Variants in ABCC9 observed in about 807,000 individuals in gnomAD.
ABCC9 encodes ATP binding cassette subfamily C member 9.
A neutral mutation model predicts 188.3 loss-of-function variants in ABCC9; 95 were observed. That is an observed-to-expected ratio of 0.50 (90% confidence interval 0.43 to 0.60). ABCC9 has a LOEUF of 0.60. Among genes scored for constraint, ABCC9 ranks in the 20% least tolerant of loss-of-function variants. The probability of loss-of-function intolerance (pLI) is 0.00; values close to 1 mark genes in which losing one functional copy is unlikely to be tolerated. For missense variants in ABCC9, 1,102 were observed against 1,876.3 expected (o/e 0.59, Z 7.62); for synonymous variants, 659 against 652.7 (o/e 1.01, Z -0.15).
intron 14 of ABCC9, among the ~76,000 whole-genome samples, chr12:21,888,468 G>A (rs1426577472): frequency 6.6e-6 from 1 of 152,026 alleles, no homozygotes; most frequent in African/African-American, 2.4e-5. Flanking sequence ...TCTGAACCTG[G>A]CAAGGAGAGG....
chr12:21,867,973 T>C (rs1032758295), intron 18 of ABCC9, among the ~76,000 whole-genome samples: 3 of 152,208 alleles, frequency 2.0e-5, no homozygotes, highest in Non-Finnish European at 4.4e-5. Context: ...GTAGAAATTA[T>C]TGTTTATCAT....
intron 29 of ABCC9, among the ~76,000 whole-genome samples, chr12:21,839,965 C>T (rs374768015): frequency 6.6e-6 from 1 of 152,102 alleles, no homozygotes; most frequent in African/African-American, 2.4e-5. Context: ...AACCAAATGG[C>T]TATTTGTAAA....
At chr12:21,937,011 A>G (rs1949515862) in intron 2 of ABCC9, among the ~76,000 whole-genome samples, 1 of 152,168 alleles carries the variant, frequency 6.6e-6, no homozygotes, top group African/African-American at 2.4e-5. Flanking sequence ...AAAAATGGTC[A>G]TATATTAAGA....
Position 21,808,794 on chromosome 12 carries a change from A to G in ABCC9, c.4315+1058T>C, listed in dbSNP as rs537706263. On this transcript the variant is annotated intron_variant, in intron 37 of 39. Coordinates refer to ENST00000261200, the MANE Select transcript of ABCC9 (RefSeq NM_020297.4). ...AACTTGTCTCAAAAAAAAAAAAAAAAAAAAAGAAAAAATCATTATGGAAAG... is the reference window on the plus strand; with the variant it reads ...AACTTGTCTCAAAAAAAAAAAAAAAGAAAAAGAAAAAATCATTATGGAAAG... 2.2e-3 allele frequency among the ~76,000 whole-genome samples: 339 copies of G among 151,640 alleles called. 1 individual carries two copies. Among genetic ancestry groups the G allele is most frequent in the African/African-American group, 7.4e-3 (307 of 41,312 alleles).
chr12:21,825,259 G>GA (rs1034629000), intron 31 of ABCC9, among the ~76,000 whole-genome samples: 115 of 152,300 alleles, frequency 7.6e-4, no homozygotes, highest in African/African-American at 2.6e-3. Context: ...TCTAGAACCA[G>GA]AAATACCATT....
At chr12:21,801,790 T>C (rs1411560084) in intron 39 of ABCC9, among the ~76,000 whole-genome samples, 4 of 152,164 alleles carry the variant, frequency 2.6e-5, no homozygotes, top group Admixed American at 2.6e-4. Flanking sequence ...AGCTACCACT[T>C]TCTGAGCATA....
intron 31 of ABCC9, among the ~76,000 whole-genome samples, chr12:21,820,606 C>T (rs942271097): frequency 6.6e-6 from 1 of 152,062 alleles, no homozygotes; most frequent in Non-Finnish European, 1.5e-5. Context: ...CTGACCTCAT[C>T]TGAGATTACT....
chr12:21,879,059 G>C (rs1371068377), intron 16 of ABCC9, among the ~76,000 whole-genome samples: 4 of 152,208 alleles, frequency 2.6e-5, no homozygotes, highest in Non-Finnish European at 5.9e-5. Context: ...GGCAAGCTCA[G>C]TGTACATCAC....
chr12:21,913,138 T>C, intron 7 of ABCC9, 72 bp from the exon 8 acceptor site: 1 of 1,332,992 alleles, frequency 7.5e-7, no homozygotes, highest in East Asian at 2.3e-5. Context: ...ACTAATCTCA[T>C]GTATGGAAAT....
intron 30 of ABCC9, among the ~76,000 whole-genome samples, chr12:21,829,663 C>T (rs1273723313): frequency 6.6e-6 from 1 of 152,226 alleles, no homozygotes; most frequent in East Asian, 1.9e-4. Context: ...TCATAAATTT[C>T]CACATAATTA....
At chr12:21,908,353 A>G in intron 10 of ABCC9, 142 bp from the exon 11 acceptor site, 1 of 1,067,482 alleles carries the variant, frequency 9.4e-7, no homozygotes, top group Non-Finnish European at 1.4e-6. Context: ...AGGGTTCTCT[A>G]GAGGGACAGA....
At chr12:21,915,514 A>ATATATATATATATATTTTTTTT in intron 7 of ABCC9, among the ~76,000 whole-genome samples, 154 bp downstream of exon 7, 1 of 3,520 alleles carries the variant, frequency 2.8e-4, no homozygotes, top group African/African-American at 1.1e-3. Flanking sequence ...ATATATATAT[A>ATATATATATATATATTTTTTTT]TTTTTTTTTT....
chr12:21,844,930 A>G lies in ABCC9; in HGVS notation c.3097-15T>C, dbSNP rs1057524442. ...ACATAGTAGGTCTAAAAAGCAACCAACACAAAAAGCACATAGGAAATTATC... is the reference window on the plus strand; with the variant it reads ...ACATAGTAGGTCTAAAAAGCAACCAGCACAAAAAGCACATAGGAAATTATC... On this transcript the variant is annotated splice_polypyrimidine_tract_variant and intron_variant, in intron 26 of 39. Transcript: ENST00000261200. 1.9e-6 allele frequency: 3 copies of G among 1,613,338 alleles called. No individual in the cohort carries two copies. The highest frequency in any genetic ancestry group is 2.7e-5 in the African/African-American group (2 of 74,898).
intron 14 of ABCC9, among the ~76,000 whole-genome samples, chr12:21,889,522 A>C (rs1343072141): frequency 6.6e-6 from 1 of 152,200 alleles, no homozygotes; most frequent in Non-Finnish European, 1.5e-5. Context: ...TGGAGAAGCC[A>C]GTCTCATCTG....
chr12:21,827,883 T>C (rs1338961712), intron 31 of ABCC9, among the ~76,000 whole-genome samples: 2 of 152,230 alleles, frequency 1.3e-5, no homozygotes, highest in Non-Finnish European at 2.9e-5. Context: ...GAAATCATGA[T>C]AATAAAAGCT....
intron 29 of ABCC9, among the ~76,000 whole-genome samples, chr12:21,841,955 T>C (rs964593534): frequency 6.6e-6 from 1 of 152,188 alleles, no homozygotes; most frequent in Non-Finnish European, 1.5e-5. Context: ...TCAAATACAA[T>C]TGTCCCCATG....
intron 32 of ABCC9, 123 bp downstream of exon 32, chr12:21,818,027 A>AG: frequency 1.4e-6 from 1 of 706,316 alleles, no homozygotes; most frequent in Non-Finnish European, 2.5e-6. Context: ...ACCCCCCAAT[A>AG]GGCCCTGGTA....
intron 39 of ABCC9, chr12:21,805,052 G>T: frequency 1.4e-6 from 2 of 1,409,374 alleles, no homozygotes; most frequent in Non-Finnish European, 2.0e-6. Context: ...ATAACACCCT[G>T]CAGTTAGTTC....
chr12:21,834,959 G>T (rs535849393), intron 30 of ABCC9, among the ~76,000 whole-genome samples: 4 of 152,116 alleles, frequency 2.6e-5, no homozygotes, highest in African/African-American at 9.6e-5. Context: ...CCAAGACGTA[G>T]ATCCTCCTCC....
Sources: allele counts gnomAD v4.1 joint callset (sites outside exome capture counted in the v4.1 genomes callset), GRCh38; gene constraint gnomAD v4.1.1; transcripts MANE v1.5; gene names NCBI Gene and HGNC (gene_info 2026-07-23, HGNC 2026-07-21).